The following DMRT1 variants were observed in gnomAD, a reference collection of about 807,000 sequenced individuals.
DMRT1 encodes the protein doublesex and mab-3 related transcription factor 1, also known as doublesex- and mab-3-related transcription factor 1.
In DMRT1, 7 loss-of-function variants were observed where a neutral mutation model predicts 32.3. The ratio of observed to expected loss-of-function variants is 0.22; its 90% CI spans 0.12 to 0.41. The LOEUF is 0.41. Ranked by LOEUF, DMRT1 falls within the 10% of genes least tolerant of loss-of-function variation. DMRT1 has a pLI of 1.00. For missense variants in DMRT1, 625 were observed against 500.5 expected, an observed-to-expected ratio of 1.25 and a Z score of -2.37; for synonymous variants, 278 against 206.1, an observed-to-expected ratio of 1.35 and a Z score of -2.99.
At position 945,256 on chromosome 9, in the gene DMRT1, C is replaced by T. The variant is rs545192821; in HGVS notation, c.968-22729C>T. ...GCAACCTCTGCCTCCCAGGTTCAAA[C>T]GATTCTCCTGCTTCAGCCTTTTGAG... On this transcript the variant is annotated intron_variant, in intron 4 of 4. Coordinates refer to ENST00000382276, the MANE Select transcript of DMRT1 (RefSeq NM_021951.3). Among the ~76,000 whole-genome samples, 134 of 152,220 alleles carry T rather than the reference C, an allele frequency of 8.8e-4. 1 individual carries two copies. The highest frequency in any genetic ancestry group is 2.9e-3 in the African/African-American group (119 of 41,544).
chr9:944,987 G>C (rs1386070456), intron 4 of DMRT1, among the ~76,000 whole-genome samples: 2 of 152,046 alleles, frequency 1.3e-5, no homozygotes, highest in South Asian at 2.1e-4. Context: ...CCAGACCTCT[G>C]TCAGATAAAG....
intron 4 of DMRT1, among the ~76,000 whole-genome samples, chr9:932,974 G>A (rs1411858950): frequency 2.0e-5 from 3 of 151,716 alleles, no homozygotes; most frequent in South Asian, 2.1e-4. Context: ...GTGCAATGGC[G>A]TGATCTTGGC....
chr9:843,364 G>C (rs1838773452), intron 1 of DMRT1, among the ~76,000 whole-genome samples: 1 of 152,258 alleles, frequency 6.6e-6, no homozygotes, highest in African/African-American at 2.4e-5. Flanking sequence ...GAGGCTGAGC[G>C]CCTCAGCCAT....
At position 930,512 on chromosome 9, in the gene DMRT1, T is replaced by C. The variant is rs190315055; in HGVS notation, c.967+13605T>C. On this transcript the variant is annotated intron_variant, in intron 4 of 4. Coordinates refer to ENST00000382276, the MANE Select transcript of DMRT1 (RefSeq NM_021951.3). The stretch of plus-strand genomic sequence containing the variant: ...CTGCAAGCTCCGCCTCTCGGGTTCA[T>C]GCCATTCTGCCTCAGCCTCCTGAGT... 7.9e-3 allele frequency among the ~76,000 whole-genome samples: 1,195 copies of C among 151,966 alleles called. 11 individuals carry two copies. Among genetic ancestry groups the C allele is most frequent in the African/African-American group, 0.017 (696 of 41,476 alleles).
chr9:926,490 C>T (rs556437436), intron 4 of DMRT1, among the ~76,000 whole-genome samples: 1 of 152,248 alleles, frequency 6.6e-6, no homozygotes, highest in Admixed American at 6.5e-5. Context: ...ACTCCTGTGA[C>T]TAAGAGGCCT....
intron 2 of DMRT1, among the ~76,000 whole-genome samples, chr9:856,763 G>A (rs1051842643): frequency 2.6e-5 from 4 of 152,166 alleles, no homozygotes; most frequent in African/African-American, 9.7e-5. Flanking sequence ...AAGTAGTGGT[G>A]TTACTGAGTT....
In DMRT1 at chr9:889,364, T is replaced by A. The variant is rs374631340; in HGVS notation, c.539-4548T>A. Among the ~76,000 whole-genome samples, 6 of 152,254 alleles carry A rather than the reference T, an allele frequency of 3.9e-5. No homozygotes were observed. In the East Asian group the frequency reaches 9.6e-4, roughly 24 times the overall value. On this transcript the variant is annotated intron_variant, in intron 2 of 4. Coordinates refer to ENST00000382276, the MANE Select transcript of DMRT1 (RefSeq NM_021951.3). ...CAGCGTAAAGGCAGACATCTGCTCT[T>A]CCAAAGTTCAAATGGTTTTATTATT... is the stretch of plus-strand genomic sequence containing the variant.
intron 3 of DMRT1, among the ~76,000 whole-genome samples, chr9:911,217 G>A (rs922112788): frequency 6.6e-6 from 1 of 152,128 alleles, no homozygotes; most frequent in Non-Finnish European, 1.5e-5. Flanking sequence ...CTAGATGCCA[G>A]CATCAACTCC....
chr9:948,219 G>C (rs978228675), intron 4 of DMRT1, among the ~76,000 whole-genome samples: 1 of 152,068 alleles, frequency 6.6e-6, no homozygotes, highest in Non-Finnish European at 1.5e-5. Flanking sequence ...ACCCAGCCCC[G>C]GCCTGCTCAG....
rs1474846244 is a variant in DMRT1, at chr9:841,870, C to T, written c.32C>T (p.Ser11Phe). ...AACGACGAGGCATTCAGCAAGCCCT[C>T]TACACCGTCGGAAGCCCCTCACGCC... MPNDEAFSKPSTPSEAPHAPG... is the reference protein window; with the variant it reads MPNDEAFSKPFTPSEAPHAPG... Residue 11 changes from serine to phenylalanine, a missense_variant, in exon 1 of 5, where the codon TCT (serine) becomes TTT (phenylalanine). Ser to Phe is a radical substitution (Grantham distance 155). Transcript: ENST00000382276. 1 of 1,612,886 alleles carries T rather than the reference C, an allele frequency of 6.2e-7. No individual in the cohort carries two copies. Among genetic ancestry groups the T allele is most frequent in the Middle Eastern group, 1.7e-4 (1 of 6,004 alleles).
At chr9:910,968 C>T (rs1586605658) in intron 3 of DMRT1, among the ~76,000 whole-genome samples, 2 of 152,092 alleles carry the variant, frequency 1.3e-5, no homozygotes, top group East Asian at 3.9e-4. Flanking sequence ...AATATATATC[C>T]CTTTAGGAAA....
At chr9:869,926 T>A (rs771968015) in intron 2 of DMRT1, among the ~76,000 whole-genome samples, 1 of 152,182 alleles carries the variant, frequency 6.6e-6, no homozygotes, top group Non-Finnish European at 1.5e-5. Context: ...AGTTACAGAC[T>A]TGGCTGAACC....
chr9:950,780 G>A (rs1199075387), intron 4 of DMRT1, among the ~76,000 whole-genome samples: 1 of 152,138 alleles, frequency 6.6e-6, no homozygotes, highest in Non-Finnish European at 1.5e-5. Context: ...CACTCCTGCA[G>A]TTCAAGTGAA....
chr9:956,579 A>AAC (rs1554763662), intron 4 of DMRT1, among the ~76,000 whole-genome samples: 2 of 102,368 alleles, frequency 2.0e-5, no homozygotes, highest in African/African-American at 9.6e-5. Flanking sequence ...AAAAAAAAAC[A>AAC]AAAAACAAAA....
At chr9:857,564 G>A (rs1323041068) in intron 2 of DMRT1, among the ~76,000 whole-genome samples, 2 of 152,126 alleles carry the variant, frequency 1.3e-5, no homozygotes, top group African/African-American at 4.8e-5. Context: ...TCCTGAAAAC[G>A]AGGGAGCAAG....
rs776888445 is a variant in DMRT1, at chr9:968,094, G to A, written c.1077G>A (p.Glu359=). 2 of 1,614,114 alleles carry A rather than the reference G, an allele frequency of 1.2e-6. No homozygotes were observed. Among genetic ancestry groups the A allele is most frequent in the South Asian group, 2.2e-5 (2 of 91,086 alleles). Residue 359 remains glutamate (E), a synonymous_variant, in exon 5 of 5, where the codon GAG becomes GAA. Coordinates refer to ENST00000382276, the MANE Select transcript of DMRT1 (RefSeq NM_021951.3). ...KAVLECEPAS[E]PSSFTVTPVI... ...TGCTTGAATGTGAGCCTGCGTCGGA[G>A]CCCAGCAGCTTCACAGTCACTCCCG...
chr9:886,760 C>G (rs1445751685), intron 2 of DMRT1, among the ~76,000 whole-genome samples: 3 of 152,026 alleles, frequency 2.0e-5, no homozygotes, highest in Non-Finnish European at 4.4e-5. Flanking sequence ...TTAGGTTTAT[C>G]ATCAATTAAT....
intron 2 of DMRT1, among the ~76,000 whole-genome samples, chr9:852,327 G>A (rs1447120753): frequency 1.3e-5 from 2 of 148,680 alleles, no homozygotes; most frequent in Non-Finnish European, 3.0e-5. Context: ...GACTCTACAT[G>A]ACAAATAATT....
Position 842,069 on chromosome 9 carries a change from A to T in DMRT1, c.231A>T (p.Ala77=). 6.5e-7 allele frequency: 1 copy of T among 1,545,528 alleles called. No individual in the cohort carries two copies. The highest frequency in any genetic ancestry group is 8.7e-7 in the Non-Finnish European group (1 of 1,149,072). ...AGTCCCCGCGGCTGCCCAAGTGCGC[A>T]CGCTGCAGGAACCACGGCTACGCCT... ...SKKSPRLPKC[A]RCRNHGYASP... Residue 77 remains alanine (A), a synonymous_variant, in exon 1 of 5, where the codon GCA becomes GCT. Coordinates refer to ENST00000382276, the MANE Select transcript of DMRT1 (RefSeq NM_021951.3).
Sources: gnomAD v4.1 joint callset for allele counts (sites outside exome capture counted in the v4.1 genomes callset) on GRCh38, gnomAD v4.1.1 for gene constraint, MANE v1.5 for transcripts, NCBI Gene and HGNC (gene_info 2026-07-23, HGNC 2026-07-21) for gene names.